Variants in LRPPRC observed in about 807,000 individuals in gnomAD.
LRPPRC encodes leucine rich pentatricopeptide repeat containing, also known as leucine-rich PPR motif-containing protein, mitochondrial.
A neutral mutation model predicts 180.3 loss-of-function variants in LRPPRC; 120 were observed. The ratio of observed to expected loss-of-function variants is 0.67; its 90% CI spans 0.57 to 0.77. The LOEUF (loss-of-function observed/expected upper bound fraction) is 0.77, where lower values mean the gene tolerates loss of function less well. Ranked by LOEUF, LRPPRC falls within the 30% of genes least tolerant of loss-of-function variation. The pLI is 0.00. For synonymous variants in LRPPRC, 723 were observed against 600.0 expected (o/e 1.21, Z -3.00); for missense variants, 2,012 against 1,657.2 (o/e 1.21, Z -3.72).
chr2:43,977,114 A>C, intron 4 of LRPPRC, 41 bp downstream of exon 4: 1 of 1,609,650 alleles, frequency 6.2e-7, no homozygotes, highest in South Asian at 1.1e-5. Flanking sequence ...AAGAAAAAAA[A>C]TGGTGGATGT....
At position 43,975,032 on chromosome 2, in the gene LRPPRC, A is replaced by T. The variant is rs866770371; in HGVS notation, c.864+59T>A. 9 of 1,569,118 alleles carry T rather than the reference A, an allele frequency of 5.7e-6. No homozygotes were observed. The African/African-American group carries it at 1.1e-4, about 19-fold the overall frequency. On this transcript the variant is annotated intron_variant, in intron 7 of 37. Coordinates refer to ENST00000260665, the MANE Select transcript of LRPPRC (RefSeq NM_133259.4). ...ACTTCACTTTCCTGCCTCATGTAAA[A>T]CATAACACAAATTTTTACAAATGAT... is the stretch of plus-strand genomic sequence containing the variant.
At chr2:43,946,439 G>A (rs953001766) in intron 20 of LRPPRC, among the ~76,000 whole-genome samples, 196 bp from the exon 21 acceptor site, 5 of 152,014 alleles carry the variant, frequency 3.3e-5, no homozygotes, top group Non-Finnish European at 5.9e-5. Flanking sequence ...ACGTGTAGGG[G>A]TTAAAAGATG....
chr2:43,890,276 T>C, intron 36 of LRPPRC: 1 of 449,294 alleles, frequency 2.2e-6, no homozygotes, highest in Middle Eastern at 3.4e-4. Context: ...ATCCAGGAAC[T>C]GTTGTGGAGA....
At chr2:43,900,838 G>T (rs1670855233) in intron 32 of LRPPRC, among the ~76,000 whole-genome samples, 1 of 152,162 alleles carries the variant, frequency 6.6e-6, no homozygotes, top group African/African-American at 2.4e-5. Flanking sequence ...TCTAGAGACA[G>T]TGGTAAGAAA....
At chr2:43,890,266 A>T (rs577320513) in intron 36 of LRPPRC, 3 of 440,952 alleles carry the variant, frequency 6.8e-6, no homozygotes, top group South Asian at 5.1e-5. Flanking sequence ...AATCAAGATA[A>T]TCCAGGAACT....
At position 43,936,678 on chromosome 2, in the gene LRPPRC, C is replaced by T. The variant is rs531325769; in HGVS notation, c.2505-1800G>A. Among the ~76,000 whole-genome samples, 6 of 152,264 alleles carry T rather than the reference C, an allele frequency of 3.9e-5. No individual in the cohort carries two copies. The South Asian group carries it at 6.2e-4, about 16-fold the overall frequency. On this transcript the variant is annotated intron_variant, in intron 23 of 37. Transcript: ENST00000260665. Reference sequence around the variant, plus strand: ...TGCAATAATAGTGACACAGTGAAAACGAGCCTATCCTGATGGAACTCTTAC... The same window carrying T: ...TGCAATAATAGTGACACAGTGAAAATGAGCCTATCCTGATGGAACTCTTAC...
At chr2:43,927,890 T>C (rs1671947253) in intron 25 of LRPPRC, among the ~76,000 whole-genome samples, 1 of 152,238 alleles carries the variant, frequency 6.6e-6, no homozygotes, top group Non-Finnish European at 1.5e-5. Flanking sequence ...TAGGCTGCTG[T>C]AATGTCAAGA....
chr2:43,907,449 TTTCC>T (rs1446615408), intron 30 of LRPPRC, among the ~76,000 whole-genome samples: 1 of 152,286 alleles, frequency 6.6e-6, no homozygotes, highest in East Asian at 1.9e-4. Context: ...AATTTTGATC[TTTCC>T]TTCTGGAAAA....
chr2:43,991,243 G>A (rs1674765303), intron 1 of LRPPRC, among the ~76,000 whole-genome samples: 1 of 151,964 alleles, frequency 6.6e-6, no homozygotes, highest in Non-Finnish European at 1.5e-5. Context: ...TGTTGGCCAG[G>A]CTGGTCTCAA....
At chr2:43,946,298 C>CA in intron 20 of LRPPRC, 55 bp from the exon 21 acceptor site, 1 of 1,377,210 alleles carries the variant, frequency 7.3e-7, no homozygotes, top group Non-Finnish European at 1.0e-6. Context: ...GTAAAAATGT[C>CA]ACATTTTTAG....
chr2:43,947,927 T>C (rs1672751520), intron 18 of LRPPRC, 152 bp from the exon 19 acceptor site: 2 of 654,400 alleles, frequency 3.1e-6, no homozygotes, highest in South Asian at 1.9e-5. Context: ...TATTAATCAA[T>C]GTAATTAACG....
intron 25 of LRPPRC, among the ~76,000 whole-genome samples, chr2:43,927,288 TTAAAAAA>T: frequency 6.6e-6 from 1 of 152,360 alleles, no homozygotes; most frequent in East Asian, 1.9e-4. Context: ...ATTTTTAATT[TTAAAAAA>T]TAACATTGTA....
rs1671045030 is a variant in LRPPRC, at chr2:43,905,708, C to T, written c.3348G>A (p.Arg1116=). Residue 1116 remains arginine (R), a synonymous_variant, in exon 31 of 38, where the codon AGG becomes AGA. Transcript: ENST00000260665. ...ANSRLIITQV[R]RDYLKEAVTT... ...GTGACATACCTTTCAAATAATCCCG[C>T]CTAACTTGCGTTATGATGAGGCGGC... is the stretch of plus-strand genomic sequence containing the variant. 23 of 1,613,558 alleles carry T rather than the reference C, an allele frequency of 1.4e-5. No homozygotes were observed. The highest frequency in any genetic ancestry group is 1.9e-5 in the Non-Finnish European group (22 of 1,179,432).
At chr2:43,899,163 C>A in intron 34 of LRPPRC, 56 bp downstream of exon 34, 1 of 1,200,528 alleles carries the variant, frequency 8.3e-7, no homozygotes, top group South Asian at 1.2e-5. Flanking sequence ...AGTAATTTCT[C>A]AATTTACTTC....
intron 14 of LRPPRC, among the ~76,000 whole-genome samples, chr2:43,952,809 T>C (rs143592063): frequency 4.9e-4 from 75 of 152,304 alleles, no homozygotes; most frequent in African/African-American, 1.7e-3. Context: ...ATCCCATAAA[T>C]TGTGAATGAT....
chr2:43,935,364 T>C (rs1672239586), intron 23 of LRPPRC, among the ~76,000 whole-genome samples: 1 of 152,216 alleles, frequency 6.6e-6, no homozygotes. Flanking sequence ...TCAAGAACTT[T>C]TTCATCTTTA....
intron 1 of LRPPRC, among the ~76,000 whole-genome samples, chr2:43,986,460 T>C (rs1427163862): frequency 1.3e-5 from 2 of 152,158 alleles, no homozygotes; most frequent in Admixed American, 1.3e-4. Flanking sequence ...TTCTCTCCAC[T>C]TTTTTTCTTC....
In LRPPRC at chr2:43,912,494, G is replaced by T; in HGVS notation, c.3213C>A (p.Ser1071Arg). 2 of 1,591,258 alleles carry T rather than the reference G, an allele frequency of 1.3e-6. No homozygotes were observed. Among genetic ancestry groups the T allele is most frequent in the Non-Finnish European group, 1.7e-6 (2 of 1,159,484 alleles). Residue 1071 changes from serine (S) to arginine (R), a missense_variant, in exon 30 of 38, where the codon AGC becomes AGA. Physicochemically the swap from Ser to Arg is moderately radical, Grantham distance 110. Transcript: ENST00000260665. ...CTGACATCAGTAATTTAATGAGATT[G>T]CTGTAGGTTTCAGCATTAAACACAA... ...QNIVFNAETY[S>R]NLIKLLMSED...
intron 23 of LRPPRC, among the ~76,000 whole-genome samples, chr2:43,937,341 C>T (rs1672312316): frequency 6.6e-6 from 1 of 152,088 alleles, no homozygotes; most frequent in South Asian, 2.1e-4. Context: ...ACAAAGTGTA[C>T]TGGAGATAAA....
Sources: gnomAD v4.1 joint callset for allele counts (sites outside exome capture counted in the v4.1 genomes callset) on GRCh38, gnomAD v4.1.1 for gene constraint, MANE v1.5 for transcripts, NCBI Gene and HGNC (gene_info 2026-07-23, HGNC 2026-07-21) for gene names.